SH3RF1: variants seen among roughly 807,000 people sequenced by gnomAD.
SH3RF1 encodes the protein SH3 domain containing ring finger 1, also known as E3 ubiquitin-protein ligase SH3RF1.
A neutral mutation model predicts 74.0 loss-of-function variants in SH3RF1; 32 were observed. That is an observed-to-expected ratio of 0.43 (90% confidence interval 0.33 to 0.58). The LOEUF is 0.58. Ranked by LOEUF, SH3RF1 falls within the 20% of genes least tolerant of loss-of-function variation. The pLI is 0.05. For synonymous variants in SH3RF1, 396 were observed against 439.6 expected (o/e 0.90, Z 1.24); for missense variants, 954 against 1,130.9 (o/e 0.84, Z 2.24).
intron 2 of SH3RF1, among the ~76,000 whole-genome samples, chr4:169,186,656 T>A (rs1443380164): frequency 6.7e-6 from 1 of 150,276 alleles, no homozygotes; most frequent in Non-Finnish European, 1.5e-5. Flanking sequence ...GAGATTCCCA[T>A]CATATCAATA....
rs1197965620 is a variant in SH3RF1, at chr4:169,094,945, G to C, written c.*1574C>G. 6.6e-6 allele frequency: 1 copy of C among 151,982 alleles called. No individual in the cohort carries two copies. The highest frequency in any genetic ancestry group is 2.4e-5 in the African/African-American group (1 of 41,336). The allele number at this position is 151,982 out of a possible 1,614,324, so 9.4% of individuals were successfully genotyped here. On this transcript the variant is annotated 3_prime_UTR_variant, in exon 12 of 12. Transcript: ENST00000284637. ...AAAAAAAGATGAAAGGGTTTATTAT[G>C]TATTTCCCATGAGAAAACTGTGGTA...
At chr4:169,254,221 C>T (rs1731148478) in intron 2 of SH3RF1, among the ~76,000 whole-genome samples, 1 of 152,162 alleles carries the variant, frequency 6.6e-6, no homozygotes, top group African/African-American at 2.4e-5. Flanking sequence ...TCAGTTCCAT[C>T]AAGAAGTATT....
intron 5 of SH3RF1, among the ~76,000 whole-genome samples, chr4:169,133,296 A>C (rs1278356870): frequency 6.6e-6 from 1 of 152,162 alleles, no homozygotes; most frequent in Non-Finnish European, 1.5e-5. Context: ...AGCCAAACTT[A>C]ATCCTAACTA....
rs1733870788 is a variant in SH3RF1, at chr4:169,145,839, ATTCTATATATTATTCTATATAAAATATG to A, written c.766-9247_766-9220del. 9.1e-5 allele frequency among the ~76,000 whole-genome samples: 10 copies of A among 109,904 alleles called. 3 individuals are homozygous for A. Among genetic ancestry groups the A allele is most frequent in the African/African-American group, 3.2e-4 (9 of 28,152 alleles). The allele number at this position is 109,904 out of a possible 152,430, so 72.1% of individuals were successfully genotyped here. ...ATATATTATTCTATATAAAATATGT[ATTCTATATATTATTCTATATAAAATATG>A]TATTCTATATATTATTCTATATAAA... is the stretch of plus-strand genomic sequence containing the variant. On this transcript the variant is annotated intron_variant, in intron 4 of 11. Coordinates refer to ENST00000284637, the MANE Select transcript of SH3RF1 (RefSeq NM_020870.4).
intron 5 of SH3RF1, among the ~76,000 whole-genome samples, chr4:169,130,757 T>C (rs1013105314): frequency 2.0e-5 from 3 of 152,242 alleles, no homozygotes; most frequent in Admixed American, 6.5e-5. Context: ...AAAGGTGTCT[T>C]ATCCATGATA....
chr4:169,266,558 T>C (rs1230671448), intron 2 of SH3RF1, among the ~76,000 whole-genome samples: 1 of 147,564 alleles, frequency 6.8e-6, no homozygotes, highest in Non-Finnish European at 1.5e-5. Flanking sequence ...CTGTTCTGAA[T>C]ATTTGAAAGC....
chr4:169,173,487 G>A (rs1184418420), intron 2 of SH3RF1, among the ~76,000 whole-genome samples: 1 of 151,912 alleles, frequency 6.6e-6, no homozygotes, highest in African/African-American at 2.4e-5. Flanking sequence ...TTGAGGAAAT[G>A]AAAAACAAGA....
At chr4:169,111,006 A>G (rs996309091) in intron 10 of SH3RF1, among the ~76,000 whole-genome samples, 4 of 152,026 alleles carry the variant, frequency 2.6e-5, no homozygotes, top group Non-Finnish European at 2.9e-5. Flanking sequence ...CAATTGTACT[A>G]ATCAAAAATT....
intron 2 of SH3RF1, among the ~76,000 whole-genome samples, chr4:169,239,016 C>G (rs558644276): frequency 3.1e-4 from 46 of 150,392 alleles, no homozygotes; most frequent in Non-Finnish European, 6.0e-4. Context: ...TGTCAGTCCT[C>G]TATTCACTCT....
chr4:169,199,633 A>G (rs1734877286), intron 2 of SH3RF1, among the ~76,000 whole-genome samples: 1 of 152,180 alleles, frequency 6.6e-6, no homozygotes. Flanking sequence ...AAAAAAATAA[A>G]TAAATAACAG....
intron 2 of SH3RF1, among the ~76,000 whole-genome samples, chr4:169,162,939 C>G (rs1048954563): frequency 6.6e-6 from 1 of 152,156 alleles, no homozygotes; most frequent in African/African-American, 2.4e-5. Context: ...GGGCTCCACA[C>G]CCTCCATCCT....
At chr4:169,126,884 C>A (rs1733534061) in intron 6 of SH3RF1, among the ~76,000 whole-genome samples, 1 of 152,190 alleles carries the variant, frequency 6.6e-6, no homozygotes, top group Admixed American at 6.5e-5. Context: ...GGCCATCACA[C>A]CCAGACTAAA....
At chr4:169,106,726 T>G (rs1733145667) in intron 11 of SH3RF1, 121 bp downstream of exon 11, 1 of 809,498 alleles carries the variant, frequency 1.2e-6, no homozygotes, top group African/African-American at 1.7e-5. Flanking sequence ...CTTATTTTCA[T>G]AAGCTCAGTT....
intron 11 of SH3RF1, among the ~76,000 whole-genome samples, chr4:169,104,513 G>C (rs1316069523): frequency 1.3e-5 from 2 of 152,192 alleles, no homozygotes; most frequent in Non-Finnish European, 2.9e-5. Context: ...CATTTGTAGG[G>C]AGAGAACACT....
intron 11 of SH3RF1, among the ~76,000 whole-genome samples, chr4:169,097,447 G>T (rs895059025): frequency 1.3e-5 from 2 of 152,156 alleles, no homozygotes; most frequent in African/African-American, 4.8e-5. Context: ...GAGTTAGTGG[G>T]AAAGGTGTCA....
intron 2 of SH3RF1, among the ~76,000 whole-genome samples, chr4:169,258,321 C>CT (rs1361770489): frequency 1.3e-5 from 2 of 152,216 alleles, no homozygotes; most frequent in African/African-American, 4.8e-5. Context: ...CTTGGAACAG[C>CT]TGCTATGTAA....
At chr4:169,121,487 G>T (rs758223177) in intron 7 of SH3RF1, among the ~76,000 whole-genome samples, 7 of 152,150 alleles carry the variant, frequency 4.6e-5, no homozygotes, top group Non-Finnish European at 1.0e-4. Flanking sequence ...TAGGGAAAAA[G>T]ACTGAATTTG....
At position 169,156,429 on chromosome 4, in the gene SH3RF1, T is replaced by C. The variant is rs769081369; in HGVS notation, c.644A>G (p.Asp215Gly). The change falls in exon 3 of 12, where the codon GAC becomes GGC. Residue 215 changes from aspartate to glycine, a missense_variant. Asp to Gly is a moderately conservative substitution (Grantham distance 94). Coordinates refer to ENST00000284637, the MANE Select transcript of SH3RF1 (RefSeq NM_020870.4). ...YDFEVKDKEA[D>G]KDCLPFAKDD... Reference sequence around the variant, plus strand: ...CTTTGCAAATGGAAGGCAATCTTTGTCTGCTTCCTTGTCTTTCACTTCAAA... The same window carrying C: ...CTTTGCAAATGGAAGGCAATCTTTGCCTGCTTCCTTGTCTTTCACTTCAAA... The C allele has an allele frequency of 1.3e-6, 2 of 1,595,998 alleles. No individual in the cohort carries two copies. The highest frequency in any genetic ancestry group is 2.2e-5 in the East Asian group (1 of 44,478).
At chr4:169,211,251 G>A (rs1047724069) in intron 2 of SH3RF1, among the ~76,000 whole-genome samples, 9 of 152,120 alleles carry the variant, frequency 5.9e-5, no homozygotes, top group Admixed American at 5.9e-4. Context: ...GGGAGGCCAA[G>A]GCGGGCAGAT....
Sources: gnomAD v4.1 joint callset for allele counts (sites outside exome capture counted in the v4.1 genomes callset) on GRCh38, gnomAD v4.1.1 for gene constraint, MANE v1.5 for transcripts, NCBI Gene and HGNC (gene_info 2026-07-23, HGNC 2026-07-21) for gene names.